Variants in ACSM6 observed in about 807,000 individuals in gnomAD.
ACSM6 encodes acyl-CoA synthetase medium chain family member 6, also known as acyl-coenzyme A synthetase ACSM6, mitochondrial.
Under a neutral mutation model 51.1 loss-of-function variants are expected in ACSM6, and 35 were observed. That is an observed-to-expected ratio of 0.69 (90% CI 0.52 to 0.91). The LOEUF is 0.91. ACSM6 is among the 40% of genes least tolerant of loss of function. The probability of loss-of-function intolerance (pLI) is 0.00; values close to 1 mark genes in which losing one functional copy is unlikely to be tolerated. For missense variants in ACSM6, 509 were observed against 584.1 expected (o/e 0.87, Z 1.32); for synonymous variants, 172 against 207.3 (o/e 0.83, Z 1.46).
At chr10:95,198,549 T>C (rs2034758409) in intron 2 of ACSM6, among the ~76,000 whole-genome samples, 1 of 151,016 alleles carries the variant, frequency 6.6e-6, no homozygotes, top group Non-Finnish European at 1.5e-5. Flanking sequence ...TACTTGGGAG[T>C]CTGAGGCAGG....
chr10:95,208,762 C>T (rs1302155769), intron 4 of ACSM6, among the ~76,000 whole-genome samples: 1 of 151,612 alleles, frequency 6.6e-6, no homozygotes, highest in African/African-American at 2.4e-5. Context: ...CATAGGTATG[C>T]ATGTATAGGA....
intron 2 of ACSM6, among the ~76,000 whole-genome samples, chr10:95,200,752 T>C (rs2034786812): frequency 6.7e-6 from 1 of 148,982 alleles, no homozygotes; most frequent in Admixed American, 6.7e-5. Context: ...AAGAAAGAAG[T>C]TAAGTTCAGA....
chr10:95,221,290 A>C (rs1275694497), intron 9 of ACSM6, among the ~76,000 whole-genome samples: 1 of 152,216 alleles, frequency 6.6e-6, no homozygotes, highest in African/African-American at 2.4e-5. Flanking sequence ...CCTATGAATA[A>C]TTATATGTCA....
At chr10:95,202,226 G>A in intron 3 of ACSM6, 31 bp downstream of exon 3, 1 of 1,517,206 alleles carries the variant, frequency 6.6e-7, no homozygotes, top group Non-Finnish European at 9.0e-7. Flanking sequence ...CCCAGGGGTT[G>A]GAGGCTTATG....
chr10:95,197,363 C>T (rs1286204201), intron 2 of ACSM6, among the ~76,000 whole-genome samples: 1 of 152,182 alleles, frequency 6.6e-6, no homozygotes, highest in African/African-American at 2.4e-5. Context: ...TCTGAGTTCC[C>T]TCAGTTTTTA....
In ACSM6 at chr10:95,214,226, T is replaced by C. The variant is rs570735517; in HGVS notation, c.996-626T>C. Among the ~76,000 whole-genome samples, 4 of 152,336 alleles carry C rather than the reference T, an allele frequency of 2.6e-5. No homozygotes were observed. The South Asian group carries it at 8.3e-4, about 32-fold the overall frequency. On this transcript the variant is annotated intron_variant, in intron 7 of 10. Transcript: ENST00000341686. ...AGCTACCACATTACCATTAATATGG[T>C]ACATTCATGTATTCAGAATATACAG...
intron 2 of ACSM6, among the ~76,000 whole-genome samples, chr10:95,195,837 G>T (rs911141196): frequency 6.6e-6 from 1 of 152,212 alleles, no homozygotes; most frequent in African/African-American, 2.4e-5. Flanking sequence ...TAAGAGGGAA[G>T]ACTTCTGTTT....
chr10:95,200,451 A>G (rs2034780601), intron 2 of ACSM6, among the ~76,000 whole-genome samples: 1 of 151,928 alleles, frequency 6.6e-6, no homozygotes, highest in Non-Finnish European at 1.5e-5. Flanking sequence ...TACACATGTA[A>G]CAAACCTGCA....
rs577795715 is a variant in ACSM6 at position 95,223,222 on chromosome 10, T to C, written c.1201-2068T>C. The stretch of plus-strand genomic sequence containing the variant: ...ACAAAGAAAAACAGGCCCAAATGGC[T>C]TTGCGGTGAATTCTATCTAACATTT... On this transcript the variant is annotated intron_variant, in intron 9 of 10. Coordinates refer to ENST00000341686, the Ensembl canonical transcript of ACSM6. 4.6e-5 allele frequency among the ~76,000 whole-genome samples: 7 copies of C among 151,578 alleles called. No individual in the cohort carries two copies. In the South Asian group the frequency reaches 1.5e-3, roughly 32 times the overall value.
At chr10:95,201,525 T>C (rs147039852) in intron 2 of ACSM6, 94 of 455,728 alleles carry the variant, frequency 2.1e-4, no homozygotes, top group African/African-American at 1.7e-3. Flanking sequence ...CCATGTTGTA[T>C]GTATACCACA....
chr10:95,215,876 G>A (rs907786711), intron 8 of ACSM6, among the ~76,000 whole-genome samples: 1 of 151,854 alleles, frequency 6.6e-6, no homozygotes, highest in Non-Finnish European at 1.5e-5. Context: ...CACAGACAGG[G>A]AGAGAGAGAG....
At position 95,210,953 on chromosome 10, in the gene ACSM6, A is replaced by T. The variant is rs554459614; in HGVS notation, c.755+160A>T. On this transcript the variant is annotated intron_variant, in intron 5 of 10. Transcript: ENST00000341686. Reference sequence around the variant, plus strand: ...GGGCTGAGGGCCCCAAAAGATGAAAAGCAAATTACTATAGTTCAAAATTCT... The same window carrying T: ...GGGCTGAGGGCCCCAAAAGATGAAATGCAAATTACTATAGTTCAAAATTCT... 2.0e-5 allele frequency among the ~76,000 whole-genome samples: 3 copies of T among 152,326 alleles called. No individual in the cohort carries two copies. The South Asian group carries it at 6.2e-4, about 32-fold the overall frequency.
intron 3 of ACSM6, 150 bp from the exon 4 acceptor site, chr10:95,207,058 A>G: frequency 4.4e-6 from 3 of 680,654 alleles, no homozygotes; most frequent in Non-Finnish European, 7.4e-6. Flanking sequence ...AGTTTTCCCC[A>G]GTCGCCATCG....
intron 8 of ACSM6, 71 bp from the exon 9 acceptor site, chr10:95,219,820 T>G (rs2034978382): frequency 8.7e-7 from 1 of 1,155,618 alleles, no homozygotes. Context: ...AATGTCTGGT[T>G]ATGATCAATA....
At chr10:95,202,551 C>A (rs1465180230) in intron 3 of ACSM6, among the ~76,000 whole-genome samples, 1 of 152,166 alleles carries the variant, frequency 6.6e-6, no homozygotes, top group East Asian at 1.9e-4. Context: ...TCTGTCCTAA[C>A]ATAGTCATCA....
At chr10:95,206,444 C>T (rs184420199) in intron 3 of ACSM6, among the ~76,000 whole-genome samples, 2 of 152,062 alleles carry the variant, frequency 1.3e-5, no homozygotes, top group Non-Finnish European at 2.9e-5. Flanking sequence ...TGGGCTATTA[C>T]GAACAATGAC....
intron 2 of ACSM6, among the ~76,000 whole-genome samples, chr10:95,197,349 G>A (rs903045186): frequency 1.1e-3 from 165 of 152,024 alleles, no homozygotes; most frequent in African/African-American, 1.8e-3. Context: ...CACCGGCACC[G>A]GTCTCTGAGT....
At chr10:95,212,171 C>CACAAGCAGGGAGAGCAT in intron 6 of ACSM6, 137 bp downstream of exon 6, 1 of 1,066,006 alleles carries the variant, frequency 9.4e-7, no homozygotes, top group Non-Finnish European at 1.4e-6. Flanking sequence ...AAGATGCTCT[C>CACAAGCAGGGAGAGCAT]CCTGCTTGTG....
intron 2 of ACSM6, among the ~76,000 whole-genome samples, chr10:95,201,149 A>G (rs1284419203): frequency 2.6e-5 from 4 of 152,238 alleles, no homozygotes; most frequent in Admixed American, 1.3e-4. Flanking sequence ...CTCTACTTAC[A>G]GGATCATGCC....
Sources: gnomAD v4.1 joint callset for allele counts (sites outside exome capture counted in the v4.1 genomes callset) on GRCh38, gnomAD v4.1.1 for gene constraint, MANE v1.5 for transcripts, NCBI Gene and HGNC (gene_info 2026-07-23, HGNC 2026-07-21) for gene names.